Variants in INHBE observed in about 807,000 individuals in gnomAD.
INHBE encodes the protein inhibin subunit beta E.
INHBE carries 19 observed loss-of-function variants against 27.8 expected under a neutral mutation model. That is an observed-to-expected ratio of 0.68 (90% CI 0.48 to 1.00). INHBE has a LOEUF of 1.00. INHBE is among the 50% of genes least tolerant of loss of function. INHBE has a pLI of 0.00. For synonymous variants in INHBE, 196 were observed against 187.2 expected (o/e 1.05, Z -0.38); for missense variants, 398 against 433.9 (o/e 0.92, Z 0.73).
In INHBE at chr12:57,456,662, CAT is replaced by C. The variant is rs1455498566; in HGVS notation, c.868_869del (p.Ile290CysfsTer41). ...CPPHLAGSPGIAASFHSAVFS... is the reference protein window; with the variant it reads ...CPPHLAGSPGXAASFHSAVFS... ...CTCCCCACCTGGCTGGCAGCCCAGG[CAT>C]TGCTGCCTCTTTCCATTCTGCCGTC... On this transcript the variant is annotated frameshift_variant, in exon 2 of 2. Transcript: ENST00000266646. LOFTEE classifies it high-confidence loss of function. 2 of 1,614,240 alleles carry C rather than the reference CAT, an allele frequency of 1.2e-6. No individual in the cohort carries two copies. The highest frequency in any genetic ancestry group is 1.7e-6 in the Non-Finnish European group (2 of 1,180,044).
At position 57,456,789 on chromosome 12, in the gene INHBE, G is replaced by T; in HGVS notation, c.994G>T (p.Gly332Cys). ...PLSLLYLDHN[G>C]NVVKTDVPDM... Reference sequence around the variant, plus strand: ...CTCTCTCCTCTACCTGGATCATAATGGCAATGTGGTCAAGACGGATGTGCC... The same window carrying T: ...CTCTCTCCTCTACCTGGATCATAATTGCAATGTGGTCAAGACGGATGTGCC... Residue 332 changes from glycine (G) to cysteine (C), a missense_variant, in exon 2 of 2, where the codon GGC (glycine) becomes TGC (cysteine). Transcript: ENST00000266646. 6.2e-7 allele frequency: 1 copy of T among 1,614,164 alleles called. No homozygotes were observed.
chr12:57,455,591 G>T lies in INHBE; in HGVS notation c.55G>T (p.Ala19Ser). The change falls in exon 1 of 2, where the codon GCA becomes TCA. Residue 19 changes from alanine to serine, a missense_variant. Coordinates refer to ENST00000266646, the MANE Select transcript of INHBE (RefSeq NM_031479.5). ...WLVLLWALVR[A>S]QGTGSVCPSC... ...GGTGCTGCTGTGGGCACTGGTGCGA[G>T]CACAGGGGACAGGGTCTGTGTGTCC... is the stretch of plus-strand genomic sequence containing the variant. 6.2e-7 allele frequency: 1 copy of T among 1,613,880 alleles called. No individual in the cohort carries two copies. The highest frequency in any genetic ancestry group is 8.5e-7 in the Non-Finnish European group (1 of 1,179,954).
At position 57,456,459 on chromosome 12, in the gene INHBE, A is replaced by C. The variant is rs772819150; in HGVS notation, c.664A>C (p.Lys222Gln). Residue 222 changes from lysine to glutamine, a missense_variant, in exon 2 of 2, where the codon AAG becomes CAG. Physicochemically the swap from Lys to Gln is moderately conservative, Grantham distance 53. Coordinates refer to ENST00000266646, the MANE Select transcript of INHBE (RefSeq NM_031479.5). ...AGHQQPFLEL[K>Q]IRANEPGAGR... Reference sequence around the variant, plus strand: ...ACACCAGCAGCCCTTCCTAGAGCTTAAGATCCGAGCCAATGAGCCTGGAGC... The same window carrying C: ...ACACCAGCAGCCCTTCCTAGAGCTTCAGATCCGAGCCAATGAGCCTGGAGC... 1.7e-5 allele frequency: 28 copies of C among 1,614,016 alleles called. 1 individual carries two copies. In the Middle Eastern group the frequency reaches 4.9e-4, roughly 28 times the overall value.
In INHBE at chr12:57,456,169, G is replaced by A. The variant is rs776849363; in HGVS notation, c.374G>A (p.Arg125His). 14 of 1,613,910 alleles carry A rather than the reference G, an allele frequency of 8.7e-6. No homozygotes were observed. The African/African-American group carries it at 1.2e-4, about 14-fold the overall frequency. Reference protein sequence around the residue: ...TPRSHHLYHARLWLHVLPTLP... With the variant: ...TPRSHHLYHAHLWLHVLPTLP... ...CGGTCCCACCACCTGTACCATGCCC[G>A]CCTGTGGCTGCACGTGCTCCCCACC... Residue 125 changes from arginine to histidine, a missense_variant, in exon 2 of 2, where the codon CGC (arginine) becomes CAC (histidine). Transcript: ENST00000266646.
chr12:57,455,743 G>T lies in INHBE; in HGVS notation c.207G>T (p.Gln69His). ...SRPRITHPPP[Q>H]AALTRALRRL... Reference sequence around the variant, plus strand: ...CCAGAATAACTCATCCTCCACCCCAGGCAGCGCTGACCAGAGCCCTCCGGA... The same window carrying T: ...CCAGAATAACTCATCCTCCACCCCATGCAGCGCTGACCAGAGCCCTCCGGA... Residue 69 changes from glutamine to histidine, a missense_variant, in exon 1 of 2, where the codon CAG becomes CAT. By Grantham distance (24) the Gln-to-His change is conservative (BLOSUM62 0). Transcript: ENST00000266646. 6.2e-7 allele frequency: 1 copy of T among 1,614,044 alleles called. No individual in the cohort carries two copies. Among genetic ancestry groups the T allele is most frequent in the South Asian group, 1.1e-5 (1 of 91,072 alleles).
chr12:57,457,456 T>TTTTTC lies in INHBE; in HGVS notation c.*612_*613insCTTTT, dbSNP rs3834467. ...ACAAGCATTTATACTTTCTTTCTTC[T>TTTTTC]TTTTTATTTTTTTGAGATCGAGTCT... On this transcript the variant is annotated 3_prime_UTR_variant, in exon 2 of 2. Transcript: ENST00000266646. 17,650 of 152,160 alleles carry TTTTTC rather than the reference T, an allele frequency of 0.12. 1,294 individuals are homozygous for TTTTTC. The highest frequency in any genetic ancestry group is 0.28 in the East Asian group (1,420 of 5,162). 9.4% of individuals were successfully genotyped at this position (152,160 alleles called of 1,614,324 possible). A position where few individuals can be genotyped will look rare whatever the true frequency, so the allele number is the denominator to read the frequency against.
chr12:57,456,793 A>T lies in INHBE; in HGVS notation c.998A>T (p.Asn333Ile). 6.2e-7 allele frequency: 1 copy of T among 1,614,112 alleles called. No individual in the cohort carries two copies. The highest frequency in any genetic ancestry group is 2.2e-5 in the East Asian group (1 of 44,874). ...LSLLYLDHNG[N>I]VVKTDVPDMV... ...CTCCTCTACCTGGATCATAATGGCA[A>T]TGTGGTCAAGACGGATGTGCCAGAT... The change falls in exon 2 of 2, where the codon AAT becomes ATT. Residue 333 changes from asparagine to isoleucine, a missense_variant. Coordinates refer to ENST00000266646, the MANE Select transcript of INHBE (RefSeq NM_031479.5).
In INHBE at chr12:57,455,432, G is replaced by A. The variant is rs1870801099; in HGVS notation, c.-105G>A. 3 of 1,118,770 alleles carry A rather than the reference G, an allele frequency of 2.7e-6. No individual in the cohort carries two copies. Among genetic ancestry groups the A allele is most frequent in the Non-Finnish European group, 3.9e-6 (3 of 777,846 alleles). 69.3% of individuals were successfully genotyped at this position (1,118,770 alleles called of 1,614,324 possible). ...CCCTTGGCCAAGGGTAGGTGTGGCA[G>A]TGGTGTCTGCTGTCACTGTGCCCTC... On this transcript the variant is annotated 5_prime_UTR_variant, in exon 1 of 2. It adds an upstream start codon to the 5' untranslated region. Transcript: ENST00000266646.
rs775615346 is a variant in INHBE at position 57,456,147 on chromosome 12, T to C, written c.352T>C (p.Ser118Pro). 3 of 1,614,000 alleles carry C rather than the reference T, an allele frequency of 1.9e-6. No homozygotes were observed. In the Admixed American group the frequency reaches 5.0e-5, roughly 27 times the overall value. ...CACTTTTCACCTGTCCACTCCTCGG[T>C]CCCACCACCTGTACCATGCCCGCCT... is the stretch of plus-strand genomic sequence containing the variant. ...LLTFHLSTPR[S>P]HHLYHARLWL... The change falls in exon 2 of 2, where the codon TCC (serine) becomes CCC (proline). Residue 118 changes from serine to proline, a missense_variant. Physicochemically the swap from Ser to Pro is moderately conservative, Grantham distance 74. Transcript: ENST00000266646.
intron 1 of INHBE, 121 bp downstream of exon 1, chr12:57,455,955 C>A: frequency 2.9e-6 from 4 of 1,368,316 alleles, no homozygotes; most frequent in Non-Finnish European, 3.0e-6. Context: ...GGGGCAGGGA[C>A]TGGTTGCAGA....
Position 57,456,722 on chromosome 12 carries a change from T to C in INHBE, c.927T>C (p.Pro309=), listed in dbSNP as rs1358911184. 1 of 1,614,260 alleles carries C rather than the reference T, an allele frequency of 6.2e-7. No individual in the cohort carries two copies. Among genetic ancestry groups the C allele is most frequent in the East Asian group, 2.2e-5 (1 of 44,892 alleles). ...FSLLKANNPW[P]ASTSCCVPTA... ...TCCTCAAAGCCAACAATCCTTGGCCTGCCAGTACCTCCTGTTGTGTCCCTA... is the reference window on the plus strand; with the variant it reads ...TCCTCAAAGCCAACAATCCTTGGCCCGCCAGTACCTCCTGTTGTGTCCCTA... The change falls in exon 2 of 2, where the codon CCT becomes CCC. Residue 309 remains proline (P), a synonymous_variant. Coordinates refer to ENST00000266646, the MANE Select transcript of INHBE (RefSeq NM_031479.5).
At position 57,455,430 on chromosome 12, in the gene INHBE, C is replaced by T; in HGVS notation, c.-107C>T. ...TACCCTTGGCCAAGGGTAGGTGTGG[C>T]AGTGGTGTCTGCTGTCACTGTGCCC... On this transcript the variant is annotated 5_prime_UTR_variant, in exon 1 of 2. Transcript: ENST00000266646. The T allele has an allele frequency of 9.2e-7, 1 of 1,086,294 alleles. No individual in the cohort carries two copies. Among genetic ancestry groups the T allele is most frequent in the Admixed American group, 2.1e-5 (1 of 46,858 alleles). The allele number at this position is 1,086,294 out of a possible 1,614,324, so 67.3% of individuals were successfully genotyped here.
In INHBE at chr12:57,455,536, C is replaced by T. The variant is rs1223464308; in HGVS notation, c.-1C>T. The T allele has an allele frequency of 1.2e-6, 2 of 1,602,466 alleles. No homozygotes were observed. Among genetic ancestry groups the T allele is most frequent in the Admixed American group, 3.4e-5 (2 of 59,644 alleles). ...CTGAACCAGGGCCATTCACCAGGAG[C>T]ATGCGGCTCCCTGATGTCCAGCTCT... On this transcript the variant is annotated 5_prime_UTR_variant, in exon 1 of 2. Coordinates refer to ENST00000266646, the MANE Select transcript of INHBE (RefSeq NM_031479.5).
Position 57,455,399 on chromosome 12 carries a change from TG to T in INHBE, c.-136del. 1 of 731,432 alleles carries T rather than the reference TG, an allele frequency of 1.4e-6. No individual in the cohort carries two copies. Among genetic ancestry groups the T allele is most frequent in the Non-Finnish European group, 2.3e-6 (1 of 439,770 alleles). 45.3% of individuals were successfully genotyped at this position (731,432 alleles called of 1,614,324 possible). A position where few individuals can be genotyped will look rare whatever the true frequency, so the allele number is the denominator to read the frequency against. Reference sequence around the variant, plus strand: ...TGAGTCCCAGACAATAGAAGACAGGTGGCTGTACCCTTGGCCAAGGGTAGGT... The same window carrying T: ...TGAGTCCCAGACAATAGAAGACAGGTGCTGTACCCTTGGCCAAGGGTAGGT... On this transcript the variant is annotated 5_prime_UTR_variant, in exon 1 of 2. Coordinates refer to ENST00000266646, the MANE Select transcript of INHBE (RefSeq NM_031479.5).
Position 57,455,702 on chromosome 12 carries a change from C to T in INHBE, c.166C>T (p.His56Tyr). 1 of 1,614,070 alleles carries T rather than the reference C, an allele frequency of 6.2e-7. No individual in the cohort carries two copies. The highest frequency in any genetic ancestry group is 8.5e-7 in the Non-Finnish European group (1 of 1,180,000). ...CAAGCAGCAAATCCTGGATGGGTTG[C>T]ACCTGACCAGTCGTCCCAGAATAAC... The part of the protein sequence containing the change: ...LAKQQILDGL[H>Y]LTSRPRITHP... The change falls in exon 1 of 2, where the codon CAC (histidine) becomes TAC (tyrosine). Residue 56 changes from histidine to tyrosine, a missense_variant. Physicochemically the swap from His to Tyr is moderately conservative, Grantham distance 83. Coordinates refer to ENST00000266646, the MANE Select transcript of INHBE (RefSeq NM_031479.5).
rs747182354 is a variant in INHBE, at chr12:57,455,504, G to A, written c.-33G>A. 5.7e-6 allele frequency: 9 copies of A among 1,569,100 alleles called. No individual in the cohort carries two copies. The highest frequency in any genetic ancestry group is 4.5e-5 in the East Asian group (2 of 44,408). The stretch of plus-strand genomic sequence containing the variant: ...TCAACAGACGGAGCAACTGCCATCC[G>A]AGGCTCCTGAACCAGGGCCATTCAC... On this transcript the variant is annotated 5_prime_UTR_variant, in exon 1 of 2. Transcript: ENST00000266646.
chr12:57,457,271 G>GTAAGGGCTGTTGAGGTACCT lies in INHBE; in HGVS notation c.*430_*449dup. The GTAAGGGCTGTTGAGGTACCT allele has an allele frequency of 5.7e-6, 1 of 173,938 alleles. No homozygotes were observed. The highest frequency in any genetic ancestry group is 1.6e-4 in the East Asian group (1 of 6,134). 10.8% of individuals were successfully genotyped at this position (173,938 alleles called of 1,614,324 possible). A position where few individuals can be genotyped will look rare whatever the true frequency, so the allele number is the denominator to read the frequency against. ...AGCAGGGTAAGCAGGCTGGCCCAGGGTAAGGGCTGTTGAGGTACCTTAAGG... is the reference window on the plus strand; with the variant it reads ...AGCAGGGTAAGCAGGCTGGCCCAGGGTAAGGGCTGTTGAGGTACCTTAAGGGCTGTTGAGGTACCTTAAGG... On this transcript the variant is annotated 3_prime_UTR_variant, in exon 2 of 2. Coordinates refer to ENST00000266646, the MANE Select transcript of INHBE (RefSeq NM_031479.5).
Position 57,455,534 on chromosome 12 carries a change from A to C in INHBE, c.-3A>C, listed in dbSNP as rs748592832. 1 of 1,602,002 alleles carries C rather than the reference A, an allele frequency of 6.2e-7. No individual in the cohort carries two copies. Among genetic ancestry groups the C allele is most frequent in the Middle Eastern group, 1.8e-4 (1 of 5,506 alleles). ...TCCTGAACCAGGGCCATTCACCAGG[A>C]GCATGCGGCTCCCTGATGTCCAGCT... On this transcript the variant is annotated 5_prime_UTR_variant, in exon 1 of 2. Coordinates refer to ENST00000266646, the MANE Select transcript of INHBE (RefSeq NM_031479.5).
chr12:57,456,807 G>T lies in INHBE; in HGVS notation c.1012G>T (p.Asp338Tyr). The change falls in exon 2 of 2, where the codon GAT becomes TAT. Residue 338 changes from aspartate (D) to tyrosine (Y), a missense_variant. Physicochemically the swap from Asp to Tyr is radical, Grantham distance 160. Transcript: ENST00000266646. Reference sequence around the variant, plus strand: ...TCATAATGGCAATGTGGTCAAGACGGATGTGCCAGATATGGTGGTGGAGGC... The same window carrying T: ...TCATAATGGCAATGTGGTCAAGACGTATGTGCCAGATATGGTGGTGGAGGC... ...LDHNGNVVKT[D>Y]VPDMVVEACG... 8 of 1,614,158 alleles carry T rather than the reference G, an allele frequency of 5.0e-6. No homozygotes were observed. The highest frequency in any genetic ancestry group is 6.8e-6 in the Non-Finnish European group (8 of 1,179,994).
Sources: gnomAD v4.1 joint callset for allele counts on GRCh38, gnomAD v4.1.1 for gene constraint, MANE v1.5 for transcripts, NCBI Gene and HGNC (gene_info 2026-07-23, HGNC 2026-07-21) for gene names.